The following CSMD1 variants were observed in gnomAD, a reference collection of about 807,000 sequenced individuals.
CSMD1 encodes CUB and sushi domain-containing protein 1.
A neutral mutation model predicts 417.5 loss-of-function variants in CSMD1; 213 were observed. The ratio of observed to expected loss-of-function variants is 0.51; its 90% CI spans 0.46 to 0.57. CSMD1 has a LOEUF of 0.57. Among genes scored for constraint, CSMD1 ranks in the 20% least tolerant of loss-of-function variants. The pLI is 0.00. For missense variants in CSMD1, 6,923 were observed against 4,529.7 expected, an observed-to-expected ratio of 1.53 and a Z score of -15.17; for synonymous variants, 2,862 against 1,736.8, an observed-to-expected ratio of 1.65 and a Z score of -16.11.
intron 1 of CSMD1, among the ~76,000 whole-genome samples, chr8:4,734,008 G>T (rs562184053): frequency 6.6e-6 from 1 of 152,142 alleles, no homozygotes; most frequent in Non-Finnish European, 1.5e-5. Context: ...ATCAAAGAAA[G>T]AAGTCCTTCT....
At chr8:3,612,574 A>G (rs1056213665) in intron 8 of CSMD1, among the ~76,000 whole-genome samples, 3 of 152,168 alleles carry the variant, frequency 2.0e-5, no homozygotes, top group African/African-American at 7.2e-5. Flanking sequence ...AATTATCAAA[A>G]CATTTTTTAA....
chr8:3,144,199 T>A (rs1818688665), intron 40 of CSMD1, among the ~76,000 whole-genome samples: 1 of 152,116 alleles, frequency 6.6e-6, no homozygotes, highest in Admixed American at 6.6e-5. Flanking sequence ...AGATGTTCTG[T>A]CTCATGTCAC....
intron 3 of CSMD1, among the ~76,000 whole-genome samples, chr8:4,157,994 C>A (rs1351128249): frequency 5.9e-5 from 9 of 152,148 alleles, no homozygotes; most frequent in Non-Finnish European, 8.8e-5. Flanking sequence ...TGCTAGGACC[C>A]TTTCCTGCTC....
chr8:2,986,162 T>C (rs920302939), intron 54 of CSMD1, among the ~76,000 whole-genome samples: 6 of 152,178 alleles, frequency 3.9e-5, no homozygotes, highest in African/African-American at 1.4e-4. Context: ...TAATTGACAA[T>C]TGTAATTGAT....
At chr8:3,609,887 C>G (rs558114256) in intron 8 of CSMD1, among the ~76,000 whole-genome samples, 1 of 123,382 alleles carries the variant, frequency 8.1e-6, no homozygotes, top group Admixed American at 1.1e-4. Flanking sequence ...GGTGCGATCT[C>G]GGCTCCTGGG....
At chr8:4,412,894 A>C (rs1250024255) in intron 3 of CSMD1, among the ~76,000 whole-genome samples, 1 of 152,194 alleles carries the variant, frequency 6.6e-6, no homozygotes, top group Non-Finnish European at 1.5e-5. Flanking sequence ...AGAAAGACAT[A>C]AGATAACTGA....
At chr8:3,946,048 C>A (rs1394659617) in intron 5 of CSMD1, among the ~76,000 whole-genome samples, 1 of 152,054 alleles carries the variant, frequency 6.6e-6, no homozygotes, top group Non-Finnish European at 1.5e-5. Flanking sequence ...CTACTTTTAC[C>A]TTTCTTTCAA....
chr8:3,574,670 G>C (rs1484097432), intron 10 of CSMD1, among the ~76,000 whole-genome samples: 3 of 152,156 alleles, frequency 2.0e-5, no homozygotes, highest in African/African-American at 4.8e-5. Context: ...AGTTGAAAAA[G>C]ACATAAGAGA....
Position 4,349,152 on chromosome 8 carries a change from A to G in CSMD1, c.415+70801T>C, listed in dbSNP as rs371191732. 2.6e-5 allele frequency among the ~76,000 whole-genome samples: 4 copies of G among 152,328 alleles called. No individual in the cohort carries two copies. The East Asian group carries it at 5.8e-4, about 22-fold the overall frequency. On this transcript the variant is annotated intron_variant, in intron 3 of 69. Coordinates refer to ENST00000635120, the MANE Select transcript of CSMD1 (RefSeq NM_033225.6). ...GTCTGAATCCGAATACAGAGCTTGC[A>G]TATGTGCTTTTGGTGTAATTTCATC...
intron 1 of CSMD1, among the ~76,000 whole-genome samples, chr8:4,899,453 T>C (rs1227579446): frequency 6.6e-6 from 1 of 152,192 alleles, no homozygotes; most frequent in Non-Finnish European, 1.5e-5. Context: ...TAAATGTAGA[T>C]ACGCATGTCC....
At chr8:3,346,286 CAAT>C (rs1268141068) in intron 22 of CSMD1, among the ~76,000 whole-genome samples, 1 of 152,136 alleles carries the variant, frequency 6.6e-6, no homozygotes, top group Non-Finnish European at 1.5e-5. Flanking sequence ...CCTTCCATTG[CAAT>C]AATATTTATC....
chr8:3,804,472 T>C (rs1361223014), intron 5 of CSMD1, among the ~76,000 whole-genome samples: 5 of 152,196 alleles, frequency 3.3e-5, no homozygotes, highest in African/African-American at 7.2e-5. Context: ...TAATGGACTA[T>C]GGAATAATGG....
chr8:4,512,569 T>G (rs1381645480), intron 2 of CSMD1, among the ~76,000 whole-genome samples: 1 of 152,124 alleles, frequency 6.6e-6, no homozygotes, highest in East Asian at 1.9e-4. Context: ...CTAGAACTAA[T>G]AAGCAATTAT....
Position 3,953,198 on chromosome 8 carries a change from T to G in CSMD1, c.818+44705A>C, listed in dbSNP as rs990013683. On this transcript the variant is annotated intron_variant, in intron 5 of 69. Coordinates refer to ENST00000635120, the MANE Select transcript of CSMD1 (RefSeq NM_033225.6). ...GAGATTTTACTTTGTGTAGAAGCACTATAAACATTATAGGATTAAAATCAA... is the reference window on the plus strand; with the variant it reads ...GAGATTTTACTTTGTGTAGAAGCACGATAAACATTATAGGATTAAAATCAA... Among the ~76,000 whole-genome samples, 25 of 152,254 alleles carry G rather than the reference T, an allele frequency of 1.6e-4. No homozygotes were observed. In the East Asian group the frequency reaches 1.7e-3, roughly 11 times the overall value.
At chr8:4,533,175 CA>C (rs1027699693) in intron 2 of CSMD1, among the ~76,000 whole-genome samples, 49 of 152,262 alleles carry the variant, frequency 3.2e-4, no homozygotes, top group African/African-American at 1.0e-3. Flanking sequence ...AGGGTGTACC[CA>C]CGTGGTAGCA....
intron 4 of CSMD1, among the ~76,000 whole-genome samples, chr8:4,000,314 G>C (rs181857002): frequency 6.6e-6 from 1 of 152,214 alleles, no homozygotes; most frequent in Non-Finnish European, 1.5e-5. Flanking sequence ...TGCCCAGCTC[G>C]CCACAGTTTT....
chr8:3,525,588 G>A (rs1418713935), intron 10 of CSMD1, among the ~76,000 whole-genome samples: 1 of 152,160 alleles, frequency 6.6e-6, no homozygotes, highest in Admixed American at 6.5e-5. Context: ...AGAGGGATAA[G>A]TCTGTCACTA....
At chr8:3,293,517 G>C (rs1253804042) in intron 25 of CSMD1, among the ~76,000 whole-genome samples, 2 of 151,914 alleles carry the variant, frequency 1.3e-5, no homozygotes. Context: ...TGGAGGCTTT[G>C]TTTGTTTCTT....
chr8:4,399,501 C>G (rs958112081), intron 3 of CSMD1, among the ~76,000 whole-genome samples: 3 of 152,054 alleles, frequency 2.0e-5, no homozygotes, highest in African/African-American at 7.2e-5. Flanking sequence ...AGTTCAATGT[C>G]CTTAGCTTAA....
Sources: gnomAD v4.1 joint callset for allele counts (sites outside exome capture counted in the v4.1 genomes callset) on GRCh38, gnomAD v4.1.1 for gene constraint, MANE v1.5 for transcripts, NCBI Gene and HGNC (gene_info 2026-07-23, HGNC 2026-07-21) for gene names.